POGZ: variants seen among roughly 807,000 people sequenced by gnomAD.
The protein encoded by POGZ is pogo transposable element with ZNF domain.
Under a neutral mutation model 134.6 loss-of-function variants are expected in POGZ, and 17 were observed. The ratio of observed to expected loss-of-function variants is 0.13; its 90% confidence interval spans 0.09 to 0.19. The LOEUF is 0.19. Ranked by LOEUF, POGZ falls within the 10% of genes least tolerant of loss-of-function variation. The pLI is 1.00. For missense variants in POGZ, 1,306 were observed against 1,769.7 expected (o/e 0.74, Z 4.70); for synonymous variants, 693 against 657.1 (o/e 1.05, Z -0.84).
At chr1:151,410,537 G>C (rs146591909) in intron 12 of POGZ, among the ~76,000 whole-genome samples, 25 of 149,486 alleles carry the variant, frequency 1.7e-4, no homozygotes, top group African/African-American at 6.2e-4. Flanking sequence ...TACTATGGTG[G>C]TTGCTTTATA....
rs763802325 is a variant in POGZ at position 151,405,055 on chromosome 1, C to T, written c.3980G>A (p.Ser1327Asn). The T allele has an allele frequency of 1.2e-6, 2 of 1,614,198 alleles. No individual in the cohort carries two copies. The highest frequency in any genetic ancestry group is 1.7e-6 in the Non-Finnish European group (2 of 1,180,040). The change falls in exon 19 of 19, where the codon AGT (serine) becomes AAT (asparagine). Residue 1327 changes from serine to asparagine, a missense_variant. Physicochemically the swap from Ser to Asn is conservative, Grantham distance 46 (BLOSUM62 1). This residue lies in a region of POGZ where 107 missense variants were observed against 97.9 expected (regional missense o/e 1.09). Coordinates refer to ENST00000271715, the MANE Select transcript of POGZ (RefSeq NM_015100.4). This position sits in a 1 kb window ranked among gnomAD's most constrained non-coding sequence, Gnocchi z 4.9. ...ELVQRSFLVA[S>N]VLPGPDGNIN... ...GTTGCCATCGGGGCCAGGCAGAACA[C>T]TAGCCACCAGGAAGGAGCGCTGAAC...
chr1:151,404,160 A>G lies in POGZ; in HGVS notation c.*642T>C, dbSNP rs1308365156. 3 of 985,516 alleles carry G rather than the reference A, an allele frequency of 3.0e-6. No homozygotes were observed. Among genetic ancestry groups the G allele is most frequent in the Admixed American group, 6.2e-5 (1 of 16,254 alleles). The allele number at this position is 985,516 out of a possible 1,614,324, so 61.0% of individuals were successfully genotyped here. On this transcript the variant is annotated 3_prime_UTR_variant, in exon 19 of 19. Coordinates refer to ENST00000271715, the MANE Select transcript of POGZ (RefSeq NM_015100.4). ...ATATCTAGGGTTGCTGTAGAAACCAACATCTCTGGAGAGGGAAGGAAAGAA... is the reference window on the plus strand; with the variant it reads ...ATATCTAGGGTTGCTGTAGAAACCAGCATCTCTGGAGAGGGAAGGAAAGAA...
At position 151,408,019 on chromosome 1, in the gene POGZ, AAAAAAAAAAAAAG is replaced by A. The variant is rs1450623372; in HGVS notation, c.2375+68_2375+80del. 61 of 1,009,338 alleles carry A rather than the reference AAAAAAAAAAAAAG, an allele frequency of 6.0e-5. 1 individual carries two copies. Among genetic ancestry groups the A allele is most frequent in the Non-Finnish European group, 8.3e-5 (59 of 715,114 alleles). The allele number at this position is 1,009,338 out of a possible 1,614,324, so 62.5% of individuals were successfully genotyped here. A position where few individuals can be genotyped will look rare whatever the true frequency, so the allele number is the denominator to read the frequency against. ...AGAGTGAGACCCTGTCTTCAAAAAAAAAAAAAAAAAAAGAAGAAGAAGAAGAAGAAAAAAAGAA... is the reference window on the plus strand; with the variant it reads ...AGAGTGAGACCCTGTCTTCAAAAAAAAAGAAGAAGAAGAAGAAAAAAAGAA... On this transcript the variant is annotated intron_variant, in intron 15 of 18. Coordinates refer to ENST00000271715, the MANE Select transcript of POGZ (RefSeq NM_015100.4).
chr1:151,406,811 G>GAA, intron 17 of POGZ, 100 bp downstream of exon 17: 1 of 1,010,210 alleles, frequency 9.9e-7, no homozygotes, highest in East Asian at 2.4e-5. Flanking sequence ...TCTCAACAGT[G>GAA]AATGAGTGAG....
In POGZ at chr1:151,440,942, A is replaced by G; in HGVS notation, c.269T>C (p.Ile90Thr). 4 of 1,613,316 alleles carry G rather than the reference A, an allele frequency of 2.5e-6. No homozygotes were observed. Among genetic ancestry groups the G allele is most frequent in the Non-Finnish European group, 3.4e-6 (4 of 1,179,466 alleles). ...DSTKKTLVTLIANNNAGNPLV... is the reference protein window; with the variant it reads ...DSTKKTLVTLTANNNAGNPLV... Reference sequence around the variant, plus strand: ...ATCCCACTTACCATTGTTGTTGGCAATTAGTGTGACAAGAGTCTTCTTTGT... The same window carrying G: ...ATCCCACTTACCATTGTTGTTGGCAGTTAGTGTGACAAGAGTCTTCTTTGT... Residue 90 changes from isoleucine (I) to threonine (T), a missense_variant, in exon 3 of 19, where the codon ATT becomes ACT. Physicochemically the swap from Ile to Thr is moderately conservative, Grantham distance 89 (BLOSUM62 -1). Around this residue, in one of 10 missense-constraint regions of POGZ, gnomAD observed 541 missense variants for 680.5 expected, o/e 0.80. Coordinates refer to ENST00000271715, the MANE Select transcript of POGZ (RefSeq NM_015100.4).
At chr1:151,418,593 T>A (rs1429120306) in intron 10 of POGZ, among the ~76,000 whole-genome samples, 1 of 152,236 alleles carries the variant, frequency 6.6e-6, no homozygotes, top group Non-Finnish European at 1.5e-5. Context: ...ATTTGAATGT[T>A]TCTAGCATAA....
At chr1:151,425,232 C>CA in intron 7 of POGZ, 171 bp from the exon 8 acceptor site, 1 of 472,102 alleles carries the variant, frequency 2.1e-6, no homozygotes, top group South Asian at 2.0e-5. Context: ...CACGGTCTCT[C>CA]AGTCTGTTGC....
chr1:151,458,789 T>C (rs1399759594), intron 1 of POGZ, among the ~76,000 whole-genome samples: 1 of 143,260 alleles, frequency 7.0e-6, no homozygotes, highest in African/African-American at 2.5e-5. Flanking sequence ...TCGGGCTGTG[T>C]GCGGGGCCGT....
chr1:151,439,538 AC>A (rs1354441824), intron 3 of POGZ, among the ~76,000 whole-genome samples: 2 of 152,102 alleles, frequency 1.3e-5, no homozygotes, highest in African/African-American at 2.4e-5. Flanking sequence ...AGCAAATCTC[AC>A]CTCTAAGACT....
intron 10 of POGZ, among the ~76,000 whole-genome samples, chr1:151,417,519 C>T (rs1245281140): frequency 6.6e-6 from 1 of 151,916 alleles, no homozygotes. Flanking sequence ...CACCACCATG[C>T]CCAACTAATT....
chr1:151,452,396 G>A, intron 1 of POGZ, among the ~76,000 whole-genome samples: 1 of 151,834 alleles, frequency 6.6e-6, no homozygotes, highest in East Asian at 1.9e-4. Context: ...TATCCCCCAG[G>A]CTGGAGTGCA....
At position 151,424,135 on chromosome 1, in the gene POGZ, G is replaced by C; in HGVS notation, c.1337C>G (p.Pro446Arg). The C allele has an allele frequency of 1.2e-6, 2 of 1,614,118 alleles. No individual in the cohort carries two copies. Residue 446 changes from proline (P) to arginine (R), a missense_variant, in exon 9 of 19, where the codon CCG becomes CGG. Physicochemically the swap from Pro to Arg is moderately radical, Grantham distance 103. This residue lies in a region of POGZ where 541 missense variants were observed against 680.5 expected (regional missense o/e 0.80). Coordinates refer to ENST00000271715, the MANE Select transcript of POGZ (RefSeq NM_015100.4). ...PSSTPIPALS[P>R]PTKVPEPNEN... ...ATTTGGTTCTGGTACTTTGGTAGGCGGTGACAGAGCAGGAATAGGTGTAGA... is the reference window on the plus strand; with the variant it reads ...ATTTGGTTCTGGTACTTTGGTAGGCCGTGACAGAGCAGGAATAGGTGTAGA...
Position 151,430,762 on chromosome 1 carries a change from A to G in POGZ, c.363T>C (p.Val121=). ...QNPAPGLGTM[V]TQPVLRPVQV... ...GAACAGGCCTCAATACTGGTTGAGTAACCATTGTGCCCAGACCTGGGGCTG... is the reference window on the plus strand; with the variant it reads ...GAACAGGCCTCAATACTGGTTGAGTGACCATTGTGCCCAGACCTGGGGCTG... Residue 121 remains valine (V), a synonymous_variant, in exon 4 of 19, where the codon GTT becomes GTC. Coordinates refer to ENST00000271715, the MANE Select transcript of POGZ (RefSeq NM_015100.4). 1.2e-6 allele frequency: 2 copies of G among 1,605,324 alleles called. No individual in the cohort carries two copies. The highest frequency in any genetic ancestry group is 1.7e-6 in the Non-Finnish European group (2 of 1,176,318).
At chr1:151,450,023 A>ATTTTTTTT (rs1171783071) in intron 1 of POGZ, among the ~76,000 whole-genome samples, 5 of 74,306 alleles carry the variant, frequency 6.7e-5, no homozygotes, top group East Asian at 8.6e-4. Context: ...GTGAAACTTG[A>ATTTTTTTT]TTTTTTTTTT....
At chr1:151,433,425 C>A (rs569304847) in intron 3 of POGZ, among the ~76,000 whole-genome samples, 1 of 151,596 alleles carries the variant, frequency 6.6e-6, no homozygotes, top group African/African-American at 2.4e-5. Context: ...CTGACCAACA[C>A]GGAGAAATCC....
Position 151,404,786 on chromosome 1 carries a change from C to CT in POGZ, c.*15dup. On this transcript the variant is annotated 3_prime_UTR_variant, in exon 19 of 19. Transcript: ENST00000271715. ...TGTTCCCACCCTCACTCCACACCCC[C>CT]TCATGACCCCAACACTCAAATCTCC... 1 of 1,582,916 alleles carries CT rather than the reference C, an allele frequency of 6.3e-7. No individual in the cohort carries two copies. The highest frequency in any genetic ancestry group is 8.6e-7 in the Non-Finnish European group (1 of 1,163,192).
chr1:151,410,307 C>G (rs1407343493), intron 12 of POGZ, among the ~76,000 whole-genome samples: 1 of 152,146 alleles, frequency 6.6e-6, no homozygotes, highest in Non-Finnish European at 1.5e-5. Context: ...TCTTCATTTC[C>G]TTACCTCTCA....
intron 3 of POGZ, among the ~76,000 whole-genome samples, chr1:151,435,304 T>C (rs1010638397): frequency 2.6e-5 from 4 of 152,190 alleles, no homozygotes; most frequent in African/African-American, 9.7e-5. Flanking sequence ...TGTAAGAAAT[T>C]TATAACATTA....
chr1:151,437,076 C>T (rs1463651069), intron 3 of POGZ, among the ~76,000 whole-genome samples: 1 of 152,058 alleles, frequency 6.6e-6, no homozygotes, highest in African/African-American at 2.4e-5. Context: ...CACCTGCAGT[C>T]CCAGCTACTT....
Sources: allele counts gnomAD v4.1 joint callset (sites outside exome capture counted in the v4.1 genomes callset), GRCh38; gene constraint gnomAD v4.1.1; regional missense constraint gnomAD v4.1.1; non-coding constraint Gnocchi (gnomAD v3.1); transcripts MANE v1.5; gene names NCBI Gene and HGNC (gene_info 2026-07-23, HGNC 2026-07-21).